PSMF1: variants seen among roughly 807,000 people sequenced by gnomAD.
The protein encoded by PSMF1 is proteasome inhibitor PI31 subunit.
PSMF1 carries 30 observed loss-of-function variants against 29.3 expected under a neutral mutation model. That is an observed-to-expected ratio of 1.02 (90% CI 0.77 to 1.39). PSMF1 has a LOEUF of 1.39. PSMF1 is among the 40% of genes most tolerant of loss of function. The probability of loss-of-function intolerance (pLI) is 0.00; values close to 1 mark genes in which losing one functional copy is unlikely to be tolerated. For missense variants in PSMF1, 344 were observed against 357.5 expected, an observed-to-expected ratio of 0.96 and a Z score of 0.31; for synonymous variants, 134 against 139.7, an observed-to-expected ratio of 0.96 and a Z score of 0.29.
chr20:1,118,453 G>A, upstream of PSMF1: 1 of 249,906 alleles, frequency 4.0e-6, no homozygotes. Context: ...CCCGCGTCAG[G>A]CGATCCTGTC....
intron 4 of PSMF1, among the ~76,000 whole-genome samples, chr20:1,150,320 G>A (rs913549481): frequency 2.0e-5 from 3 of 152,152 alleles, no homozygotes; most frequent in Non-Finnish European, 2.9e-5. Flanking sequence ...AGCTGGATGT[G>A]GGTGAGTGAG....
intron 1 of PSMF1, among the ~76,000 whole-genome samples, chr20:1,124,548 A>G (rs1166805252): frequency 3.7e-5 from 1 of 27,174 alleles, no homozygotes; most frequent in Non-Finnish European, 7.5e-5. Context: ...TGCATACTGT[A>G]TAGAAATTTA....
intron 1 of PSMF1, among the ~76,000 whole-genome samples, chr20:1,124,608 A>C (rs1052125181): frequency 3.9e-5 from 6 of 152,260 alleles, no homozygotes; most frequent in African/African-American, 1.4e-4. Context: ...CATTGTTTAT[A>C]ATAGCAAAAC....
chr20:1,160,641 G>A (rs943569422), intron 4 of PSMF1: 36 of 510,276 alleles, frequency 7.1e-5, no homozygotes, highest in African/African-American at 6.8e-4. Flanking sequence ...GTGCAAAGCT[G>A]GTTTTGCTGG....
chr20:1,122,701 G>A (rs553543546), intron 1 of PSMF1, among the ~76,000 whole-genome samples: 28 of 152,294 alleles, frequency 1.8e-4, no homozygotes, highest in Middle Eastern at 3.4e-3. Context: ...TTTGATGTCA[G>A]GGTTTACAGG....
intron 1 of PSMF1, 119 bp downstream of exon 1, chr20:1,119,021 C>A: frequency 7.2e-7 from 1 of 1,388,372 alleles, no homozygotes; most frequent in Non-Finnish European, 9.8e-7. Context: ...GGGTCTGGGG[C>A]AGATGGCAGC....
At chr20:1,151,377 C>A (rs922412977) in intron 4 of PSMF1, among the ~76,000 whole-genome samples, 2 of 152,190 alleles carry the variant, frequency 1.3e-5, no homozygotes, top group African/African-American at 4.8e-5. Flanking sequence ...TTATTGAATT[C>A]TACTTATGGG....
chr20:1,122,304 T>C (rs1485717130), intron 1 of PSMF1, among the ~76,000 whole-genome samples: 4 of 149,700 alleles, frequency 2.7e-5, no homozygotes, highest in East Asian at 1.9e-4. Context: ...TCTTTTTTTT[T>C]TTTTTTTTTT....
chr20:1,149,601 C>G (rs1020538268), intron 4 of PSMF1, among the ~76,000 whole-genome samples: 3 of 152,206 alleles, frequency 2.0e-5, no homozygotes, highest in Admixed American at 1.3e-4. Flanking sequence ...GTTGAATAAG[C>G]ATGGTTTGTC....
intron 1 of PSMF1, among the ~76,000 whole-genome samples, chr20:1,119,170 C>T (rs778630355): frequency 1.3e-5 from 2 of 152,182 alleles, no homozygotes; most frequent in Non-Finnish European, 2.9e-5. Context: ...CCTCTCAGGC[C>T]AGGACTGTGT....
chr20:1,141,877 C>T (rs994948066), intron 4 of PSMF1, among the ~76,000 whole-genome samples: 3 of 152,158 alleles, frequency 2.0e-5, no homozygotes, highest in Non-Finnish European at 4.4e-5. Flanking sequence ...TAGCAATAAA[C>T]ACGTGGAACG....
At chr20:1,139,367 A>G (rs1259601096) in intron 4 of PSMF1, among the ~76,000 whole-genome samples, 7 of 152,204 alleles carry the variant, frequency 4.6e-5, no homozygotes, top group South Asian at 4.1e-4. Flanking sequence ...ATAACATTGT[A>G]CTTGATATTC....
rs191667914 is a variant in PSMF1 at position 1,169,201 on chromosome 20, G to A, written c.*4121G>A. ...CAGGACACATGGACCAAGTCACTGCGGCCGTACTTGGCCCTGAATCTGTCC... is the reference window on the plus strand; with the variant it reads ...CAGGACACATGGACCAAGTCACTGCAGCCGTACTTGGCCCTGAATCTGTCC... On this transcript the variant is annotated 3_prime_UTR_variant, in exon 7 of 7. Transcript: ENST00000335877. 9.2e-5 allele frequency among the ~76,000 whole-genome samples: 14 copies of A among 152,298 alleles called. No homozygotes were observed. Among genetic ancestry groups the A allele is most frequent in the Non-Finnish European group, 1.3e-4 (9 of 68,030 alleles).
Position 1,169,305 on chromosome 20 carries a change from C to T in PSMF1, c.*4225C>T, listed in dbSNP as rs529250280. ...GTGGCAAGGCCTAGCTGACTGAGGA[C>T]AGACCCAGCAACAATGACAGGAGGT... is the stretch of plus-strand genomic sequence containing the variant. On this transcript the variant is annotated 3_prime_UTR_variant, in exon 7 of 7. Transcript: ENST00000335877. 6.6e-6 allele frequency among the ~76,000 whole-genome samples: 1 copy of T among 152,280 alleles called. No individual in the cohort carries two copies. Among genetic ancestry groups the T allele is most frequent in the South Asian group, 2.1e-4 (1 of 4,826 alleles).
chr20:1,153,981 A>G (rs895867662), intron 4 of PSMF1, among the ~76,000 whole-genome samples: 2 of 152,250 alleles, frequency 1.3e-5, no homozygotes, highest in African/African-American at 2.4e-5. Flanking sequence ...TTACGCATGC[A>G]TACCCCAGAA....
chr20:1,116,340 G>A (rs966279882), upstream of PSMF1, among the ~76,000 whole-genome samples: 3 of 152,236 alleles, frequency 2.0e-5, no homozygotes, highest in Non-Finnish European at 4.4e-5. Flanking sequence ...GCCACAGGCA[G>A]TACATCTCAG....
intron 4 of PSMF1, among the ~76,000 whole-genome samples, chr20:1,157,222 C>T (rs553109868): frequency 1.3e-5 from 2 of 152,304 alleles, no homozygotes; most frequent in Admixed American, 1.3e-4. Context: ...GATATGCCTT[C>T]TCCAGCCCAC....
intron 4 of PSMF1, chr20:1,160,975 A>G (rs1373821972): frequency 7.2e-6 from 3 of 418,252 alleles, no homozygotes; most frequent in Admixed American, 2.9e-5. Flanking sequence ...TACCCTGGAC[A>G]TGTACGTGGC....
chr20:1,158,922 G>A (rs2086629490), intron 4 of PSMF1, among the ~76,000 whole-genome samples: 1 of 152,150 alleles, frequency 6.6e-6, no homozygotes, highest in South Asian at 2.1e-4. Context: ...CAGGCGTGGT[G>A]GCGCATGCCT....
Sources: gnomAD v4.1 joint callset for allele counts (sites outside exome capture counted in the v4.1 genomes callset) on GRCh38, gnomAD v4.1.1 for gene constraint, MANE v1.5 for transcripts, NCBI Gene and HGNC (gene_info 2026-07-23, HGNC 2026-07-21) for gene names.